Variants in PDE10A observed in about 807,000 individuals in gnomAD.
PDE10A encodes phosphodiesterase 10A.
PDE10A carries 39 observed loss-of-function variants against 97.7 expected under a neutral mutation model. The observed-to-expected ratio is 0.40, with a 90% CI of 0.31 to 0.52. The LOEUF (loss-of-function observed/expected upper bound fraction) is 0.52, where lower values mean the gene tolerates loss of function less well. PDE10A is among the 20% of genes least tolerant of loss of function. The pLI is 0.56. For synonymous variants in PDE10A, 371 were observed against 376.8 expected (o/e 0.98, Z 0.18); for missense variants, 731 against 1,047.8 (o/e 0.70, Z 4.17).
chr6:165,535,429 T>C (rs1783022932), intron 2 of PDE10A, among the ~76,000 whole-genome samples: 1 of 151,902 alleles, frequency 6.6e-6, no homozygotes, highest in Non-Finnish European at 1.5e-5. Flanking sequence ...TCTATGTCCA[T>C]GTGTACATAT....
At chr6:165,659,689 G>T (rs964805838) in intron 1 of PDE10A, among the ~76,000 whole-genome samples, 10 of 152,210 alleles carry the variant, frequency 6.6e-5, no homozygotes, top group African/African-American at 2.4e-4. Flanking sequence ...GGGCGAGGGG[G>T]CCTTTCTTGA....
intron 1 of PDE10A, among the ~76,000 whole-genome samples, chr6:165,698,740 C>G (rs986315503): frequency 6.6e-6 from 1 of 152,082 alleles, no homozygotes; most frequent in Non-Finnish European, 1.5e-5. Context: ...GTCCCAGCTA[C>G]TCAAGAGGCT....
intron 1 of PDE10A, among the ~76,000 whole-genome samples, chr6:165,586,019 C>T (rs1379088037): frequency 6.6e-6 from 1 of 152,162 alleles, no homozygotes; most frequent in African/African-American, 2.4e-5. Context: ...CCCCATACCC[C>T]ACAGTTCACC....
At position 165,744,556 on chromosome 6, in the gene PDE10A, G is replaced by T. The variant is rs983643458; in HGVS notation, c.-614-200988C>A. On this transcript the variant is annotated intron_variant, in intron 1 of 19. Coordinates refer to the PDE10A transcript ENST00000366882. ...GAGAACTAATACACATTTATAAAAAGCCCAGAGAACTAATTTTTTTTTCAT... is the reference window on the plus strand; with the variant it reads ...GAGAACTAATACACATTTATAAAAATCCCAGAGAACTAATTTTTTTTTCAT... Among the ~76,000 whole-genome samples the T allele has an allele frequency of 1.5e-4, 23 of 151,700 alleles. No individual in the cohort carries two copies. In the East Asian group the frequency reaches 3.7e-3, roughly 24 times the overall value.
intron 1 of PDE10A, among the ~76,000 whole-genome samples, chr6:165,754,624 C>G (rs1322121627): frequency 6.6e-6 from 1 of 151,864 alleles, no homozygotes; most frequent in Admixed American, 6.6e-5. Context: ...GAATATAAAA[C>G]AGTTATATTA....
intron 3 of PDE10A, among the ~76,000 whole-genome samples, chr6:165,481,765 C>T (rs144926098): frequency 6.6e-6 from 1 of 152,034 alleles, no homozygotes; most frequent in East Asian, 1.9e-4. Flanking sequence ...GAAAACAGTA[C>T]CTTTAATATT....
At chr6:165,826,118 C>G (rs1264362720) in intron 1 of PDE10A, among the ~76,000 whole-genome samples, 2 of 152,202 alleles carry the variant, frequency 1.3e-5, no homozygotes, top group African/African-American at 4.8e-5. Context: ...TCCTGCTTTT[C>G]TCCTAACCTT....
At chr6:165,903,920 T>G (rs1443631374) in intron 1 of PDE10A, among the ~76,000 whole-genome samples, 1 of 152,224 alleles carries the variant, frequency 6.6e-6, no homozygotes, top group East Asian at 1.9e-4. Context: ...GCCAATGGAT[T>G]TAGCAAGAAG....
In PDE10A at chr6:165,327,897, A is replaced by C. The variant is rs2128169215; in HGVS notation, c.*5128T>G. ...CATATAACCTGTGTTACTCTCCAGT[A>C]GTTTTTGGTCAGCAAGATTATCAAC... On this transcript the variant is annotated 3_prime_UTR_variant, in exon 22 of 22. Coordinates refer to ENST00000539869, the MANE Select transcript of PDE10A (RefSeq NM_001385079.1). The C allele has an allele frequency of 6.6e-6, 1 of 152,338 alleles. No individual in the cohort carries two copies. The highest frequency in any genetic ancestry group is 2.4e-5 in the African/African-American group (1 of 41,570). The allele number at this position is 152,338 out of a possible 1,614,324, so 9.4% of individuals were successfully genotyped here.
chr6:165,619,189 C>CTAGTG (rs1562634074), intron 1 of PDE10A, among the ~76,000 whole-genome samples: 1 of 87,398 alleles, frequency 1.1e-5, no homozygotes, highest in East Asian at 3.3e-4. Flanking sequence ...GTAGTGTAGT[C>CTAGTG]TAGTGTAGTG....
intron 10 of PDE10A, 50 bp downstream of exon 10, chr6:165,428,608 C>G (rs772077366): frequency 6.5e-6 from 5 of 769,576 alleles, no homozygotes; most frequent in Non-Finnish European, 1.1e-5. Context: ...ATATTAGCAC[C>G]ATGGGCCTAA....
intron 1 of PDE10A, among the ~76,000 whole-genome samples, chr6:165,674,465 G>A (rs2128437514): frequency 6.6e-6 from 1 of 152,336 alleles, no homozygotes; most frequent in East Asian, 1.9e-4. Flanking sequence ...GGAGAAAGCG[G>A]AAGTGGCTGT....
chr6:165,480,272 T>C (rs1206749350), intron 3 of PDE10A, among the ~76,000 whole-genome samples: 1 of 152,120 alleles, frequency 6.6e-6, no homozygotes, highest in Non-Finnish European at 1.5e-5. Flanking sequence ...TGGTTCTAAA[T>C]GAGAAAGTAC....
In PDE10A at chr6:165,344,128, C is replaced by A. The variant is rs542384433; in HGVS notation, c.2784-626G>T. 1.4e-4 allele frequency among the ~76,000 whole-genome samples: 22 copies of A among 152,236 alleles called. No homozygotes were observed. In the South Asian group the frequency reaches 4.6e-3, roughly 32 times the overall value. On this transcript the variant is annotated intron_variant, in intron 18 of 21. Coordinates refer to ENST00000539869, the MANE Select transcript of PDE10A (RefSeq NM_001385079.1). Reference sequence around the variant, plus strand: ...ACCAAAATGACTTTTCCCTTTTCAGCTGCTTGCATTCATAACTAGGTGCTC... The same window carrying A: ...ACCAAAATGACTTTTCCCTTTTCAGATGCTTGCATTCATAACTAGGTGCTC...
intron 1 of PDE10A, among the ~76,000 whole-genome samples, chr6:165,774,621 A>G (rs562854521): frequency 2.7e-5 from 4 of 148,098 alleles, no homozygotes; most frequent in South Asian, 2.1e-4. Flanking sequence ...TAATATATAT[A>G]AAATAAATGA....
chr6:165,934,698 A>C (rs530270656), intron 1 of PDE10A, among the ~76,000 whole-genome samples: 1 of 152,298 alleles, frequency 6.6e-6, no homozygotes, highest in Non-Finnish European at 1.5e-5. Context: ...TAGGATGGCA[A>C]AATTTTCATC....
At chr6:165,899,012 C>T (rs934751889) in intron 1 of PDE10A, among the ~76,000 whole-genome samples, 9 of 152,236 alleles carry the variant, frequency 5.9e-5, no homozygotes, top group Non-Finnish European at 1.3e-4. Flanking sequence ...CTCCTGCCTT[C>T]ACTCGATGGT....
At chr6:165,469,283 T>C (rs555767417) in intron 3 of PDE10A, among the ~76,000 whole-genome samples, 2 of 152,298 alleles carry the variant, frequency 1.3e-5, no homozygotes, top group South Asian at 4.1e-4. Flanking sequence ...CATTTCCTAG[T>C]ATTTAAGGGG....
intron 13 of PDE10A, among the ~76,000 whole-genome samples, chr6:165,404,487 T>G (rs1786950310): frequency 6.6e-6 from 1 of 152,048 alleles, no homozygotes; most frequent in Non-Finnish European, 1.5e-5. Context: ...AGTTGTAGTT[T>G]CCAAATTTAT....
Sources: allele counts gnomAD v4.1 joint callset (sites outside exome capture counted in the v4.1 genomes callset), GRCh38; gene constraint gnomAD v4.1.1; transcripts MANE v1.5; gene names NCBI Gene and HGNC (gene_info 2026-07-23, HGNC 2026-07-21).